PLA2G10: variants seen among roughly 807,000 people sequenced by gnomAD.
PLA2G10 encodes phospholipase A2 group X, also known as group 10 secretory phospholipase A2.
PLA2G10 carries 9 observed loss-of-function variants against 7.9 expected under a neutral mutation model. The observed-to-expected ratio is 1.14, with a 90% CI of 0.68 to 1.98. PLA2G10 has a LOEUF of 1.98. Among genes scored for constraint, PLA2G10 ranks in the 30% most tolerant of loss-of-function variants. PLA2G10 has a pLI of 0.00. For missense variants in PLA2G10, 53 were observed against 65.4 expected, an observed-to-expected ratio of 0.81 and a Z score of 0.66; for synonymous variants, 19 against 27.5, an observed-to-expected ratio of 0.69 and a Z score of 0.97.
chr16:14,687,103 T>A (rs1961097192), intron 3 of PLA2G10, among the ~76,000 whole-genome samples: 1 of 150,110 alleles, frequency 6.7e-6, no homozygotes, highest in East Asian at 2.0e-4. Flanking sequence ...AGTAAAACTC[T>A]GTCTCAAAAA....
chr16:14,681,318 A>C (rs1960886152), intron 3 of PLA2G10, among the ~76,000 whole-genome samples: 1 of 152,174 alleles, frequency 6.6e-6, no homozygotes, highest in South Asian at 2.1e-4. Flanking sequence ...ACAGATGAGG[A>C]AAGTGAGGCT....
intron 3 of PLA2G10, among the ~76,000 whole-genome samples, chr16:14,677,251 C>G (rs754812340): frequency 2.6e-5 from 4 of 152,186 alleles, no homozygotes; most frequent in Non-Finnish European, 5.9e-5. Flanking sequence ...CCTCATCATG[C>G]ACTCCTGCTT....
chr16:14,685,537 G>GGAGGAATGGGAACGGA (rs1301945274), intron 3 of PLA2G10, among the ~76,000 whole-genome samples: 3 of 152,070 alleles, frequency 2.0e-5, no homozygotes, highest in African/African-American at 7.2e-5. Flanking sequence ...TTGGTGGTAG[G>GGAGGAATGGGAACGGA]GAGGAATGGG....
intron 3 of PLA2G10, among the ~76,000 whole-genome samples, chr16:14,685,354 A>G (rs1175158080): frequency 2.0e-5 from 3 of 151,064 alleles, no homozygotes; most frequent in East Asian, 1.9e-4. Context: ...CCTGGGTGAC[A>G]GGTGAGATTT....
chr16:14,672,810 G>A, intron 3 of PLA2G10, 61 bp from the exon 4 acceptor site: 11 of 1,538,770 alleles, frequency 7.1e-6, no homozygotes, highest in Non-Finnish European at 8.9e-6. Context: ...AGGGAAACCA[G>A]TAAAGCAAGA....
intron 3 of PLA2G10, among the ~76,000 whole-genome samples, chr16:14,679,592 G>GTTTT (rs1960827927): frequency 6.7e-6 from 1 of 150,096 alleles, no homozygotes. Flanking sequence ...CTCGGGAGAC[G>GTTTT]GAGGTTGCAG....
Position 14,674,705 on chromosome 16 carries a change from A to G in PLA2G10, c.356-1956T>C, listed in dbSNP as rs1960680466. On this transcript the variant is annotated intron_variant, in intron 3 of 3. Coordinates refer to ENST00000438167, the MANE Select transcript of PLA2G10 (RefSeq NM_003561.3). ...TGACAGAGAGACTCCATCTAAAAAA[A>G]AAAAGAAAAGAAGAAAAAATCTGTA... Among the ~76,000 whole-genome samples the G allele has an allele frequency of 2.0e-5, 3 of 152,088 alleles. No homozygotes were observed. The South Asian group carries it at 6.2e-4, about 32-fold the overall frequency.
chr16:14,687,403 A>G (rs1280602714), intron 3 of PLA2G10, among the ~76,000 whole-genome samples: 1 of 146,162 alleles, frequency 6.8e-6, no homozygotes, highest in African/African-American at 2.5e-5. Context: ...ATCACAGCTC[A>G]CTGCAGCCTC....
intron 3 of PLA2G10, chr16:14,678,527 G>C (rs1960789125): frequency 4.2e-6 from 1 of 236,058 alleles, no homozygotes; most frequent in Non-Finnish European, 8.6e-6. Flanking sequence ...CCAACATTTT[G>C]GGAGGCCGAG....
At chr16:14,681,151 G>C (rs926092461) in intron 3 of PLA2G10, among the ~76,000 whole-genome samples, 1 of 149,302 alleles carries the variant, frequency 6.7e-6, no homozygotes, top group African/African-American at 2.5e-5. Flanking sequence ...GCAACAGAGT[G>C]AGACTCTATC....
At chr16:14,686,522 T>G (rs1961069895) in intron 3 of PLA2G10, among the ~76,000 whole-genome samples, 1 of 152,126 alleles carries the variant, frequency 6.6e-6, no homozygotes, top group African/African-American at 2.4e-5. Context: ...TTTTTGTTTT[T>G]GTTTGAGATA....
chr16:14,687,660 G>GTTTCTTCATGGT (rs1189733037), intron 3 of PLA2G10, among the ~76,000 whole-genome samples: 5 of 151,906 alleles, frequency 3.3e-5, no homozygotes, highest in African/African-American at 1.2e-4. Flanking sequence ...AAATAATTAG[G>GTTTCTTCATGGT]TTTCTTCATG....
intron 3 of PLA2G10, among the ~76,000 whole-genome samples, chr16:14,682,130 GCCAGTTTCC>G (rs1438433477): frequency 6.6e-6 from 1 of 152,002 alleles, no homozygotes; most frequent in Non-Finnish European, 1.5e-5. Flanking sequence ...ACCATGCCCA[GCCAGTTTCC>G]CCAACTCTAA....
intron 3 of PLA2G10, among the ~76,000 whole-genome samples, chr16:14,677,608 G>T (rs2151849966): frequency 6.6e-6 from 1 of 152,244 alleles, no homozygotes; most frequent in East Asian, 1.9e-4. Context: ...CTCGTGATCT[G>T]CCCGCCTTAG....
At chr16:14,683,334 G>C (rs1423289864) in intron 3 of PLA2G10, among the ~76,000 whole-genome samples, 1 of 150,776 alleles carries the variant, frequency 6.6e-6, no homozygotes, top group Non-Finnish European at 1.5e-5. Flanking sequence ...CCAGGTTCAA[G>C]CAATTCTCCT....
At chr16:14,678,046 C>G (rs1034884285) in intron 3 of PLA2G10, among the ~76,000 whole-genome samples, 3 of 152,146 alleles carry the variant, frequency 2.0e-5, no homozygotes, top group African/African-American at 7.2e-5. Context: ...CAGGAACAAG[C>G]CTTCCTGCCT....
rs889578281 is a variant in PLA2G10 at position 14,684,444 on chromosome 16, T to C, written c.355+3721A>G. On this transcript the variant is annotated intron_variant, in intron 3 of 3. Transcript: ENST00000438167. ...CACTTTGGAGGCCAATGTGGGTGGA[T>C]TGCTTGAGGTCAGGAATTTGAGACC... Among the ~76,000 whole-genome samples, 6 of 151,048 alleles carry C rather than the reference T, an allele frequency of 4.0e-5. No individual in the cohort carries two copies. In the South Asian group the frequency reaches 1.0e-3, roughly 26 times the overall value.
At chr16:14,683,275 C>G (rs1363105053) in intron 3 of PLA2G10, among the ~76,000 whole-genome samples, 1 of 145,610 alleles carries the variant, frequency 6.9e-6, no homozygotes, top group African/African-American at 2.5e-5. Flanking sequence ...CTCTGTTGCC[C>G]AGGCTGAAGT....
intron 3 of PLA2G10, among the ~76,000 whole-genome samples, chr16:14,673,235 A>G (rs1394095914): frequency 2.0e-5 from 3 of 151,484 alleles, no homozygotes; most frequent in Non-Finnish European, 4.4e-5. Flanking sequence ...GTTGGCCAGG[A>G]TGGTCTCGAA....
Sources: gnomAD v4.1 joint callset for allele counts (sites outside exome capture counted in the v4.1 genomes callset) on GRCh38, gnomAD v4.1.1 for gene constraint, MANE v1.5 for transcripts, NCBI Gene and HGNC (gene_info 2026-07-23, HGNC 2026-07-21) for gene names.